The following DENND4A variants were observed in gnomAD, a reference collection of about 807,000 sequenced individuals.
DENND4A encodes the protein DENN domain containing 4A.
A neutral mutation model predicts 199.3 loss-of-function variants in DENND4A; 70 were observed. The ratio of observed to expected loss-of-function variants is 0.35; its 90% confidence interval spans 0.29 to 0.43. DENND4A has a LOEUF of 0.43. Ranked by LOEUF, DENND4A falls within the 20% of genes least tolerant of loss-of-function variation. DENND4A has a pLI of 1.00. For missense variants in DENND4A, 1,723 were observed against 2,255.8 expected (o/e 0.76, Z 4.78); for synonymous variants, 686 against 766.9 (o/e 0.89, Z 1.74).
chr15:65,737,657 C>A (rs769968052), intron 7 of DENND4A, 50 bp downstream of exon 7: 5 of 1,504,064 alleles, frequency 3.3e-6, no homozygotes, highest in Non-Finnish European at 4.4e-6. Context: ...ACAAATTTGC[C>A]ACATAATGGA....
intron 1 of DENND4A, chr15:65,771,609 C>T (rs1219545335): frequency 8.1e-6 from 13 of 1,612,448 alleles, no homozygotes; most frequent in Non-Finnish European, 1.0e-5. Flanking sequence ...CTTTCATGTC[C>T]ACTATGTCAA....
At position 65,667,538 on chromosome 15, in the gene DENND4A, T is replaced by A; in HGVS notation, c.5152A>T (p.Asn1718Tyr). Residue 1718 changes from asparagine to tyrosine, a missense_variant, in exon 29 of 33, where the codon AAC becomes TAC. Around this residue, in one of 6 missense-constraint regions of DENND4A, gnomAD observed 164 missense variants for 280.1 expected, o/e 0.59. Coordinates refer to ENST00000443035, the MANE Select transcript of DENND4A (RefSeq NM_001320835.1). ...FVDHHPIVFW[N>Y]LVWYFRRLDL... ...AGACGTCTGAAATACCATACCAGGT[T>A]CCAAAAAACAATTGGATGATGGTCC... 1 of 1,613,940 alleles carries A rather than the reference T, an allele frequency of 6.2e-7. No homozygotes were observed. The highest frequency in any genetic ancestry group is 1.1e-5 in the South Asian group (1 of 91,082).
intron 13 of DENND4A, among the ~76,000 whole-genome samples, chr15:65,716,396 TCC>T (rs1268849471): frequency 9.5e-4 from 62 of 65,330 alleles, no homozygotes; most frequent in African/African-American, 3.7e-3. Flanking sequence ...CCCTCCCCCC[TCC>T]CCCCACCCCA....
At chr15:65,780,642 T>A (rs2077413048) in intron 1 of DENND4A, among the ~76,000 whole-genome samples, 1 of 152,210 alleles carries the variant, frequency 6.6e-6, no homozygotes, top group African/African-American at 2.4e-5. Flanking sequence ...AGAAGATACA[T>A]AAATTAAAAT....
intron 15 of DENND4A, 163 bp downstream of exon 15, chr15:65,705,928 C>G (rs1051012313): frequency 1.1e-6 from 1 of 893,718 alleles, no homozygotes; most frequent in African/African-American, 1.8e-5. Context: ...TCTTTTTATA[C>G]CTCAAAGCTT....
intron 2 of DENND4A, among the ~76,000 whole-genome samples, chr15:65,758,597 C>T (rs1489727161): frequency 5.3e-5 from 8 of 152,194 alleles, no homozygotes; most frequent in Non-Finnish European, 1.2e-4. Flanking sequence ...CAGGTGTGAG[C>T]CACCATACCC....
chr15:65,677,451 C>T (rs978699388), intron 23 of DENND4A, among the ~76,000 whole-genome samples: 9 of 152,150 alleles, frequency 5.9e-5, no homozygotes, highest in African/African-American at 2.2e-4. Context: ...TCAAGTGATC[C>T]ACCTGCCTTG....
rs2075822263 is a variant in DENND4A, at chr15:65,660,666, T to C, written c.*1185A>G. The C allele has an allele frequency of 5.7e-6, 1 of 175,148 alleles. No individual in the cohort carries two copies. Among genetic ancestry groups the C allele is most frequent in the Non-Finnish European group, 1.2e-5 (1 of 83,562 alleles). The allele number at this position is 175,148 out of a possible 1,614,324, so 10.8% of individuals were successfully genotyped here. ...ATGTCTAAACTTTCAATTTATTGTCTGATTTCTGGATATTTCTGTATTTTA... is the reference window on the plus strand; with the variant it reads ...ATGTCTAAACTTTCAATTTATTGTCCGATTTCTGGATATTTCTGTATTTTA... On this transcript the variant is annotated 3_prime_UTR_variant, in exon 33 of 33. Transcript: ENST00000443035.
intron 14 of DENND4A, among the ~76,000 whole-genome samples, chr15:65,712,802 G>A (rs960587699): frequency 2.0e-5 from 3 of 151,366 alleles, no homozygotes; most frequent in Admixed American, 6.6e-5. Flanking sequence ...TAATCTTAAC[G>A]TTACAAATTG....
At chr15:65,764,803 TCTGTACAAAAAA>T (rs2140804852) in intron 1 of DENND4A, among the ~76,000 whole-genome samples, 2 of 151,926 alleles carry the variant, frequency 1.3e-5, no homozygotes, top group African/African-American at 2.4e-5. Context: ...TGAGACCCCA[TCTGTACAAAAAA>T]TTTAAAAATT....
chr15:65,726,410 C>T (rs78556637), intron 11 of DENND4A, among the ~76,000 whole-genome samples: 6,463 of 152,144 alleles, frequency 0.042, 397 homozygotes, highest in African/African-American at 0.13. Flanking sequence ...AGTTGTATTA[C>T]TTTAATGTTT....
At chr15:65,746,014 AC>A (rs2076378672) in intron 4 of DENND4A, among the ~76,000 whole-genome samples, 1 of 151,444 alleles carries the variant, frequency 6.6e-6, no homozygotes, top group Non-Finnish European at 1.5e-5. Flanking sequence ...GGTGGCGGGC[AC>A]CCTTAATCCC....
chr15:65,723,309 C>T (rs1017548997), intron 11 of DENND4A, among the ~76,000 whole-genome samples: 2 of 152,036 alleles, frequency 1.3e-5, no homozygotes, highest in African/African-American at 4.8e-5. Context: ...AAAAATCCTA[C>T]CATAAGTTTT....
chr15:65,697,479 T>TA (rs1230603672), intron 20 of DENND4A, 96 bp from the exon 21 acceptor site: 1 of 755,512 alleles, frequency 1.3e-6, no homozygotes, highest in African/African-American at 1.8e-5. Flanking sequence ...GATTTCCTTA[T>TA]AAATTTTTTT....
chr15:65,756,160 C>T lies in DENND4A; in HGVS notation c.291G>A (p.Lys97=), dbSNP rs2076696577. 3.7e-6 allele frequency: 6 copies of T among 1,608,782 alleles called. No individual in the cohort carries two copies. In the East Asian group the frequency reaches 1.1e-4, roughly 30 times the overall value. ...CTTACCCCAGATCTGTAAGTGGAGG[C>T]TTATCTCTTCCTCTTCTATAGCAAA... ...IYLCYRRGRD[K]PPLTDLGVLY... is the part of the protein sequence containing the mutation. The change falls in exon 3 of 33, where the codon AAG becomes AAA. Residue 97 remains lysine, a synonymous_variant. Coordinates refer to ENST00000443035, the MANE Select transcript of DENND4A (RefSeq NM_001320835.1).
At chr15:65,706,447 AACACACACACACAC>A (rs77421887) in intron 14 of DENND4A, among the ~76,000 whole-genome samples, 3,620 of 130,294 alleles carry the variant, frequency 0.028, 49 homozygotes, top group Middle Eastern at 0.034. Flanking sequence ...AGGGGAAAAT[AACACACACACACAC>A]ACACACACAC....
chr15:65,769,058 T>C (rs1489834428), intron 1 of DENND4A, among the ~76,000 whole-genome samples: 1 of 152,062 alleles, frequency 6.6e-6, no homozygotes, highest in Non-Finnish European at 1.5e-5. Context: ...TATTGTTAAT[T>C]GACATTTGGC....
intron 7 of DENND4A, among the ~76,000 whole-genome samples, chr15:65,734,253 T>A (rs932467001): frequency 6.6e-6 from 1 of 152,210 alleles, no homozygotes; most frequent in Admixed American, 6.5e-5. Flanking sequence ...AGGTGGGACA[T>A]GCGGGCAGCA....
At position 65,732,437 on chromosome 15, in the gene DENND4A, T is replaced by A. The variant is rs544497995; in HGVS notation, c.1107+315A>T. Among the ~76,000 whole-genome samples the A allele has an allele frequency of 2.0e-5, 3 of 152,250 alleles. No individual in the cohort carries two copies. The South Asian group carries it at 6.2e-4, about 32-fold the overall frequency. ...CACACACAACTTTCCCTTAACTTAT[T>A]AAATAACTGCCAAAGGCACAAACTT... is the stretch of plus-strand genomic sequence containing the variant. On this transcript the variant is annotated intron_variant, in intron 8 of 32. Transcript: ENST00000443035.
Sources: allele counts gnomAD v4.1 joint callset (sites outside exome capture counted in the v4.1 genomes callset), GRCh38; gene constraint gnomAD v4.1.1; regional missense constraint gnomAD v4.1.1; transcripts MANE v1.5; gene names NCBI Gene and HGNC (gene_info 2026-07-23, HGNC 2026-07-21).